Variants in PDE10A observed in about 807,000 individuals in gnomAD.
The protein encoded by PDE10A is cAMP and cAMP-inhibited cGMP 3',5'-cyclic phosphodiesterase 10A.
A neutral mutation model predicts 97.7 loss-of-function variants in PDE10A; 39 were observed. The ratio of observed to expected loss-of-function variants is 0.40; its 90% confidence interval spans 0.31 to 0.52. The LOEUF is 0.52. Ranked by LOEUF, PDE10A falls within the 20% of genes least tolerant of loss-of-function variation. The probability of loss-of-function intolerance (pLI) is 0.56; values close to 1 mark genes in which losing one functional copy is unlikely to be tolerated. For missense variants in PDE10A, 731 were observed against 1,047.8 expected, an observed-to-expected ratio of 0.70 and a Z score of 4.17; for synonymous variants, 371 against 376.8, an observed-to-expected ratio of 0.98 and a Z score of 0.18.
chr6:165,608,806 A>G (rs1002151422), intron 1 of PDE10A, among the ~76,000 whole-genome samples: 2 of 152,196 alleles, frequency 1.3e-5, no homozygotes, highest in African/African-American at 4.8e-5. Flanking sequence ...TTGCCATTCT[A>G]ACTGGTGTGA....
intron 1 of PDE10A, among the ~76,000 whole-genome samples, chr6:165,590,484 T>C (rs757121549): frequency 4.6e-5 from 7 of 152,240 alleles, no homozygotes; most frequent in Non-Finnish European, 1.0e-4. Flanking sequence ...ACTTTTCATT[T>C]TGACCCAACA....
chr6:165,815,850 T>C (rs2128468121), intron 1 of PDE10A, among the ~76,000 whole-genome samples: 1 of 152,278 alleles, frequency 6.6e-6, no homozygotes, highest in South Asian at 2.1e-4. Context: ...TGGTCCAGGG[T>C]GTGGAAGGGA....
chr6:165,452,063 T>C (rs1791335796), intron 3 of PDE10A, among the ~76,000 whole-genome samples: 1 of 152,296 alleles, frequency 6.6e-6, no homozygotes, highest in Non-Finnish European at 1.5e-5. Context: ...GGCTATGTCC[T>C]AGGGATGCCC....
chr6:165,514,723 G>A (rs1163327254), intron 2 of PDE10A, among the ~76,000 whole-genome samples: 1 of 152,238 alleles, frequency 6.6e-6, no homozygotes, highest in African/African-American at 2.4e-5. Context: ...AACTGCAGAA[G>A]AGAAGCTGTC....
chr6:165,859,959 T>C (rs1192917957), intron 1 of PDE10A, among the ~76,000 whole-genome samples: 2 of 152,168 alleles, frequency 1.3e-5, no homozygotes, highest in African/African-American at 2.4e-5. Flanking sequence ...AAACATCATA[T>C]GTTCTCAATG....
At chr6:165,853,318 G>A (rs759136753) in intron 1 of PDE10A, among the ~76,000 whole-genome samples, 35 of 152,294 alleles carry the variant, frequency 2.3e-4, no homozygotes, top group Non-Finnish European at 4.1e-4. Flanking sequence ...AGGCCACTGT[G>A]TTTGGATGCC....
At chr6:165,492,430 T>C (rs1780279945) in intron 2 of PDE10A, among the ~76,000 whole-genome samples, 1 of 151,998 alleles carries the variant, frequency 6.6e-6, no homozygotes, top group South Asian at 2.1e-4. Context: ...TAGACAAATA[T>C]CCCTGGTGAA....
At chr6:165,546,098 C>G (rs960269715) in intron 1 of PDE10A, among the ~76,000 whole-genome samples, 1 of 152,064 alleles carries the variant, frequency 6.6e-6, no homozygotes, top group South Asian at 2.1e-4. Flanking sequence ...AACGGGCTAA[C>G]AAGCCATGAA....
intron 1 of PDE10A, among the ~76,000 whole-genome samples, chr6:165,933,755 T>C (rs1783225323): frequency 6.6e-6 from 1 of 152,100 alleles, no homozygotes. Flanking sequence ...GGAAAAGAAA[T>C]TTATACACAA....
intron 1 of PDE10A, among the ~76,000 whole-genome samples, chr6:165,853,970 G>A (rs780374595): frequency 2.6e-5 from 4 of 152,138 alleles, no homozygotes; most frequent in Non-Finnish European, 5.9e-5. Context: ...CCACGGTGGC[G>A]GGGAGGCTCT....
intron 13 of PDE10A, among the ~76,000 whole-genome samples, chr6:165,402,342 A>T (rs887998805): frequency 6.6e-6 from 1 of 152,084 alleles, no homozygotes; most frequent in Admixed American, 6.6e-5. Flanking sequence ...ACAAAATAAA[A>T]TTAATTAAAA....
intron 1 of PDE10A, among the ~76,000 whole-genome samples, chr6:165,713,082 G>C (rs1440212751): frequency 6.6e-6 from 1 of 152,246 alleles, no homozygotes; most frequent in African/African-American, 2.4e-5. Flanking sequence ...ATTACAAAGA[G>C]AGAGTGCCGC....
chr6:165,844,083 G>T (rs1165213254), intron 1 of PDE10A, among the ~76,000 whole-genome samples: 1 of 152,186 alleles, frequency 6.6e-6, no homozygotes, highest in African/African-American at 2.4e-5. Context: ...TCGCAGGTGA[G>T]ATGTATTTTG....
intron 1 of PDE10A, among the ~76,000 whole-genome samples, chr6:165,773,449 A>G (rs1403912541): frequency 6.6e-6 from 1 of 152,308 alleles, no homozygotes; most frequent in East Asian, 1.9e-4. Flanking sequence ...CTATTTCTTC[A>G]TATTTTTCCA....
intron 1 of PDE10A, among the ~76,000 whole-genome samples, chr6:165,611,614 G>A (rs828570): frequency 0.014 from 2,134 of 152,312 alleles, 49 homozygotes; most frequent in African/African-American, 0.048. Flanking sequence ...CTTAACCTCT[G>A]AGCAATCAAT....
intron 1 of PDE10A, among the ~76,000 whole-genome samples, chr6:165,694,599 G>C (rs1233490684): frequency 6.6e-6 from 1 of 152,256 alleles, no homozygotes; most frequent in African/African-American, 2.4e-5. Flanking sequence ...TGCTACCTGA[G>C]CTGAGCTGCT....
Position 165,433,031 on chromosome 6 carries a change from A to G in PDE10A, c.1434T>C (p.Gly478=). 1 of 1,613,980 alleles carries G rather than the reference A, an allele frequency of 6.2e-7. No individual in the cohort carries two copies. Among genetic ancestry groups the G allele is most frequent in the South Asian group, 1.1e-5 (1 of 91,080 alleles). Residue 478 remains glycine (G), a synonymous_variant, in exon 7 of 22, where the codon GGT becomes GGC. Transcript: ENST00000539869. ...CCCAGTGCCGATACAGCTCGAGAAT[A>G]CCAATCAAGTCACCAATTGCAGTGA... ...PIVTAIGDLI[G]ILELYRHWGK...
chr6:165,772,789 C>T (rs9364814), intron 1 of PDE10A, among the ~76,000 whole-genome samples: 109,466 of 152,118 alleles, frequency 0.72, 40,593 homozygotes, highest in East Asian at 0.93. Context: ...GTGAAAAATC[C>T]GAAAGACAGA....
At chr6:165,518,646 T>C (rs1781957378) in intron 2 of PDE10A, among the ~76,000 whole-genome samples, 1 of 152,198 alleles carries the variant, frequency 6.6e-6, no homozygotes, top group Non-Finnish European at 1.5e-5. Flanking sequence ...GCACTTCCTT[T>C]AAGTGAAATG....
Sources: allele counts gnomAD v4.1 joint callset (sites outside exome capture counted in the v4.1 genomes callset), GRCh38; gene constraint gnomAD v4.1.1; transcripts MANE v1.5; gene names NCBI Gene and HGNC (gene_info 2026-07-23, HGNC 2026-07-21).